FOXP2: variants seen among roughly 807,000 people sequenced by gnomAD.
The protein encoded by FOXP2 is forkhead box P2.
FOXP2 carries 12 observed loss-of-function variants against 115.8 expected under a neutral mutation model. The observed-to-expected ratio is 0.10, with a 90% CI of 0.07 to 0.17. The LOEUF (loss-of-function observed/expected upper bound fraction) is 0.17, where lower values mean the gene tolerates loss of function less well. Among genes scored for constraint, FOXP2 ranks in the 10% least tolerant of loss-of-function variants. FOXP2 has a pLI of 1.00. For synonymous variants in FOXP2, 328 were observed against 297.7 expected (o/e 1.10, Z -1.05); for missense variants, 629 against 843.5 (o/e 0.75, Z 3.15).
intron 1 of FOXP2, among the ~76,000 whole-genome samples, chr7:114,088,733 A>G (rs959122831): frequency 2.0e-5 from 3 of 152,236 alleles, no homozygotes; most frequent in African/African-American, 4.8e-5. Flanking sequence ...GGGACTGTTT[A>G]TCTTTTCTGT....
At chr7:114,383,404 TTTGGGTTGAAGGGGGGTCCTTATTAG>T (rs1792360097) in intron 2 of FOXP2, among the ~76,000 whole-genome samples, 2 of 152,104 alleles carry the variant, frequency 1.3e-5, no homozygotes, top group East Asian at 3.9e-4. Context: ...TTTTGGACCG[TTTGGGTTGAAGGGGGGTCCTTATTAG>T]TTGGGGAAGG....
chr7:114,336,043 T>TA (rs571591681), intron 2 of FOXP2, among the ~76,000 whole-genome samples: 44 of 151,784 alleles, frequency 2.9e-4, no homozygotes, highest in Admixed American at 5.9e-4. Context: ...ATGAGTGTGG[T>TA]AAAAAAGATA....
intron 3 of FOXP2, among the ~76,000 whole-genome samples, chr7:114,612,726 G>A (rs1216422384): frequency 2.0e-5 from 3 of 152,212 alleles, no homozygotes; most frequent in Non-Finnish European, 4.4e-5. Flanking sequence ...TTTGTTAGTT[G>A]TATAGGATAG....
chr7:114,423,935 T>C (rs1249998135), intron 1 of FOXP2, among the ~76,000 whole-genome samples: 1 of 151,550 alleles, frequency 6.6e-6, no homozygotes, highest in East Asian at 1.9e-4. Flanking sequence ...AAGTGTTGTA[T>C]CAGATACTCC....
At chr7:114,447,024 A>G (rs1418274609) in intron 2 of FOXP2, among the ~76,000 whole-genome samples, 1 of 152,002 alleles carries the variant, frequency 6.6e-6, no homozygotes, top group African/African-American at 2.4e-5. Flanking sequence ...TGCTGGGACT[A>G]CAAGCATGAG....
At chr7:114,648,381 A>G (rs542082877) in intron 8 of FOXP2, among the ~76,000 whole-genome samples, 9 of 152,212 alleles carry the variant, frequency 5.9e-5, no homozygotes, top group African/African-American at 2.2e-4. Flanking sequence ...GCTTGATGCA[A>G]AATAAATCAA....
chr7:114,379,824 T>A (rs1792237746), intron 2 of FOXP2, among the ~76,000 whole-genome samples: 2 of 152,186 alleles, frequency 1.3e-5, no homozygotes, highest in African/African-American at 2.4e-5. Context: ...TTTGGCCATC[T>A]GATGGGTGCT....
At chr7:114,659,547 C>A in intron 12 of FOXP2, 25 bp from the exon 13 acceptor site, 1 of 1,600,110 alleles carries the variant, frequency 6.2e-7, no homozygotes, top group South Asian at 1.1e-5. Flanking sequence ...TATTTTATGT[C>A]ACTATGTATC....
At position 114,545,920 on chromosome 7, in the gene FOXP2, A is replaced by G. The variant is rs1352743789; in HGVS notation, c.258+11214A>G. Among the ~76,000 whole-genome samples, 3 of 152,128 alleles carry G rather than the reference A, an allele frequency of 2.0e-5. No homozygotes were observed. In the East Asian group the frequency reaches 5.8e-4, roughly 29 times the overall value. On this transcript the variant is annotated intron_variant, in intron 3 of 16. Coordinates refer to ENST00000350908, the MANE Select transcript of FOXP2 (RefSeq NM_014491.4). ...TATGTGGAATTAATTATTCCCTTCC[A>G]TATATTACTTATATGTCTTGTTAAT...
intron 1 of FOXP2, among the ~76,000 whole-genome samples, chr7:114,254,058 G>A (rs1431559302): frequency 2.6e-5 from 4 of 152,156 alleles, no homozygotes; most frequent in Admixed American, 2.0e-4. Context: ...ATGAAGCTTA[G>A]TTTGGCTGTA....
chr7:114,207,090 C>G (rs1379737917), intron 1 of FOXP2, among the ~76,000 whole-genome samples: 1 of 152,178 alleles, frequency 6.6e-6, no homozygotes, highest in African/African-American at 2.4e-5. Context: ...GCTTATTTCA[C>G]TTAGCATAAT....
intron 2 of FOXP2, among the ~76,000 whole-genome samples, chr7:114,361,057 C>T (rs1791734098): frequency 6.6e-6 from 1 of 152,094 alleles, no homozygotes; most frequent in Non-Finnish European, 1.5e-5. Flanking sequence ...GATAGAACTG[C>T]CCTACCTTTC....
chr7:114,441,723 T>C (rs1584739883), intron 2 of FOXP2, among the ~76,000 whole-genome samples: 1 of 152,176 alleles, frequency 6.6e-6, no homozygotes, highest in Non-Finnish European at 1.5e-5. Flanking sequence ...CCAAAGAAGA[T>C]ATATGAATGG....
chr7:114,155,018 A>C (rs1244623535), intron 1 of FOXP2, among the ~76,000 whole-genome samples: 1 of 152,148 alleles, frequency 6.6e-6, no homozygotes, highest in Non-Finnish European at 1.5e-5. Context: ...TTTTCCCTAA[A>C]ATAACTCATG....
intron 1 of FOXP2, among the ~76,000 whole-genome samples, chr7:114,211,790 C>A (rs1489771026): frequency 6.6e-6 from 1 of 152,066 alleles, no homozygotes; most frequent in Admixed American, 6.6e-5. Context: ...TAATTTGTTT[C>A]TGCCGGGCAC....
At chr7:114,669,221 A>T (rs1807353928) in intron 16 of FOXP2, 2 of 152,072 alleles carry the variant, frequency 1.3e-5, no homozygotes. Context: ...AACAATTATC[A>T]AAATTTAGGC....
At position 114,367,901 on chromosome 7, in the gene FOXP2, A is replaced by T. The variant is rs143816284; in HGVS notation, c.-10-58601A>T. On this transcript the variant is annotated intron_variant, in intron 2 of 17. Coordinates refer to the FOXP2 transcript ENST00000634411. ...GTGTATATACATAATTCTATATGTA[A>T]CCAGTTAAAATTAAGGTTTTTTGGT... 5.7e-3 allele frequency among the ~76,000 whole-genome samples: 875 copies of T among 152,292 alleles called. 1 individual carries two copies. Among genetic ancestry groups the T allele is most frequent in the Non-Finnish European group, 8.9e-3 (608 of 68,010 alleles).
intron 2 of FOXP2, among the ~76,000 whole-genome samples, chr7:114,471,739 C>A (rs1349328958): frequency 1.3e-5 from 2 of 150,540 alleles, no homozygotes; most frequent in African/African-American, 4.9e-5. Context: ...CACCTAAGGT[C>A]AGGAATTTGA....
intron 1 of FOXP2, among the ~76,000 whole-genome samples, chr7:114,251,058 T>C (rs922193398): frequency 7.2e-5 from 11 of 152,240 alleles, no homozygotes. Flanking sequence ...TAGGGAATCG[T>C]TTCCCCATTT....
Sources: allele counts gnomAD v4.1 joint callset (sites outside exome capture counted in the v4.1 genomes callset), GRCh38; gene constraint gnomAD v4.1.1; transcripts MANE v1.5; gene names NCBI Gene and HGNC (gene_info 2026-07-23, HGNC 2026-07-21).